RPL24: variants seen among roughly 807,000 people sequenced by gnomAD.
RPL24 encodes the protein large ribosomal subunit protein eL24.
RPL24 carries 7 observed loss-of-function variants against 26.4 expected under a neutral mutation model. The observed-to-expected ratio is 0.27, with a 90% confidence interval of 0.15 to 0.50. The LOEUF is 0.50. Among genes scored for constraint, RPL24 ranks in the 20% least tolerant of loss-of-function variants. The pLI, the probability that RPL24 is intolerant of heterozygous loss-of-function variation, is 0.98. For synonymous variants in RPL24, 67 were observed against 65.2 expected (o/e 1.03, Z -0.13); for missense variants, 109 against 194.9 (o/e 0.56, Z 2.62).
chr3:101,684,764 G>T (rs1166645537), intron 3 of RPL24, among the ~76,000 whole-genome samples: 3 of 77,698 alleles, frequency 3.9e-5, no homozygotes, highest in East Asian at 4.7e-4. Context: ...AGCAACAGAG[G>T]ACCTGTCTCC....
intron 3 of RPL24, 104 bp from the exon 4 acceptor site, chr3:101,683,011 T>C: frequency 2.0e-6 from 2 of 993,248 alleles, no homozygotes; most frequent in South Asian, 1.9e-5. Flanking sequence ...TATTTTAAGA[T>C]TCATATTCAA....
chr3:101,685,672 A>G (rs1270981545), intron 3 of RPL24, 146 bp downstream of exon 3: 6 of 501,790 alleles, frequency 1.2e-5, no homozygotes, highest in Non-Finnish European at 1.8e-5. Flanking sequence ...ACAGTTTATA[A>G]TATCTTTTTC....
chr3:101,683,091 C>T (rs1937282699), intron 3 of RPL24, among the ~76,000 whole-genome samples, 184 bp from the exon 4 acceptor site: 2 of 152,026 alleles, frequency 1.3e-5, no homozygotes, highest in African/African-American at 4.8e-5. Context: ...ATTACAAATC[C>T]TAGCCATTTT....
chr3:101,686,486 C>T lies in RPL24; in HGVS notation c.77G>A (p.Gly26Glu), dbSNP rs1937344547. 1 of 1,613,672 alleles carries T rather than the reference C, an allele frequency of 6.2e-7. No individual in the cohort carries two copies. The highest frequency in any genetic ancestry group is 1.3e-5 in the African/African-American group (1 of 74,940). The change falls in exon 2 of 6, where the codon GGG becomes GAG. Residue 26 changes from glycine to glutamate, a missense_variant. Gly to Glu is a moderately conservative substitution (Grantham distance 98). This residue lies in a region of RPL24 where 69 missense variants were observed against 96.2 expected (regional missense o/e 0.72). Coordinates refer to ENST00000394077, the MANE Select transcript of RPL24 (RefSeq NM_000986.4). ...GAAGCCGACGCGGCTTTTTACCTTC[C>T]CGTCGGTCCTGGCGTAGCGCCTCCC... The part of the protein sequence containing the change: ...GHGRRYARTD[G>E]KVFQFLNAKC...
rs57278210 is a variant in RPL24 at position 101,684,776 on chromosome 3, C to CAAAAAA, written c.192+1036_192+1041dup. On this transcript the variant is annotated intron_variant, in intron 3 of 5. Coordinates refer to ENST00000394077, the MANE Select transcript of RPL24 (RefSeq NM_000986.4). ...CTGAGCAACAGAGGACCTGTCTCCC[C>CAAAAAA]AAAAAAAAAAAAAAAAAAAAAAAAA... 4.3e-3 allele frequency among the ~76,000 whole-genome samples: 227 copies of CAAAAAA among 53,206 alleles called. 32 individuals are homozygous for CAAAAAA. Among genetic ancestry groups the CAAAAAA allele is most frequent in the Non-Finnish European group, 5.6e-3 (175 of 31,342 alleles). The allele number at this position is 53,206 out of a possible 152,430, so 34.9% of individuals were successfully genotyped here. A position where few individuals can be genotyped will look rare whatever the true frequency, so the allele number is the denominator to read the frequency against.
At position 101,682,552 on chromosome 3, in the gene RPL24, A is replaced by G. The variant is rs1193490565; in HGVS notation, c.330-60T>C. 8 of 1,392,622 alleles carry G rather than the reference A, an allele frequency of 5.7e-6. No individual in the cohort carries two copies. In the African/African-American group the frequency reaches 8.6e-5, roughly 15 times the overall value. 86.3% of individuals were successfully genotyped at this position (1,392,622 alleles called of 1,614,324 possible). On this transcript the variant is annotated intron_variant, in intron 4 of 5. Transcript: ENST00000394077. Reference sequence around the variant, plus strand: ...TTACTCCTTAGTGGTACAACTTATTATTAGAGTTAGACTGTACTGGACAAG... The same window carrying G: ...TTACTCCTTAGTGGTACAACTTATTGTTAGAGTTAGACTGTACTGGACAAG...
chr3:101,682,646 TA>T lies in RPL24; in HGVS notation c.329+124del, dbSNP rs1937278188. ...AGGCTAAATCCAAAGAATTTGTCAATAATTTTCATTAACCACCAAATCAGCT... is the reference window on the plus strand; with the variant it reads ...AGGCTAAATCCAAAGAATTTGTCAATATTTTCATTAACCACCAAATCAGCT... On this transcript the variant is annotated intron_variant, in intron 4 of 5. Coordinates refer to ENST00000394077, the MANE Select transcript of RPL24 (RefSeq NM_000986.4). 3 of 1,222,550 alleles carry T rather than the reference TA, an allele frequency of 2.5e-6. No homozygotes were observed. In the South Asian group the frequency reaches 4.1e-5, roughly 17 times the overall value. The allele number at this position is 1,222,550 out of a possible 1,614,324, so 75.7% of individuals were successfully genotyped here. A position where few individuals can be genotyped will look rare whatever the true frequency, so the allele number is the denominator to read the frequency against.
At position 101,682,880 on chromosome 3, in the gene RPL24, G is replaced by T. The variant is rs1402823709; in HGVS notation, c.220C>A (p.Arg74=). ...ATGGCCCTCTGGAATTTGACTGCTC[G>T]GCGGGTTCTTTTCTTTTGAATTTCT... ...SEEIQKKRTR[R]AVKFQRAITG... is the part of the protein sequence containing the mutation. Residue 74 remains arginine, a synonymous_variant, in exon 4 of 6, where the codon CGA becomes AGA. Transcript: ENST00000394077. 6.2e-7 allele frequency: 1 copy of T among 1,613,466 alleles called. No homozygotes were observed. Among genetic ancestry groups the T allele is most frequent in the African/African-American group, 1.3e-5 (1 of 74,882 alleles).
chr3:101,682,845 T>G lies in RPL24; in HGVS notation c.255A>C (p.Ala85=). The G allele has an allele frequency of 6.2e-7, 1 of 1,613,826 alleles. No homozygotes were observed. The highest frequency in any genetic ancestry group is 8.5e-7 in the Non-Finnish European group (1 of 1,179,814). ...TCTTGGCCATTATATCAGCAAGAGA[T>G]GCACCAGTAATGGCCCTCTGGAATT... ...AVKFQRAITG[A]SLADIMAKRN... is the part of the protein sequence containing the mutation. Residue 85 remains alanine (A), a synonymous_variant, in exon 4 of 6, where the codon GCA becomes GCC. Transcript: ENST00000394077.
At chr3:101,682,309 T>C in intron 5 of RPL24, 120 bp downstream of exon 5, 1 of 791,702 alleles carries the variant, frequency 1.3e-6, no homozygotes, top group Non-Finnish European at 2.2e-6. Flanking sequence ...GAGGTTGCAG[T>C]GAGCTGAGAT....
At chr3:101,682,562 G>C in intron 4 of RPL24, 70 bp from the exon 5 acceptor site, 1 of 1,281,568 alleles carries the variant, frequency 7.8e-7, no homozygotes, top group South Asian at 1.3e-5. Context: ...ATTAGAGTTA[G>C]ACTGTACTGG....
intron 4 of RPL24, 90 bp from the exon 5 acceptor site, chr3:101,682,582 A>T: frequency 8.5e-7 from 1 of 1,178,294 alleles, no homozygotes; most frequent in East Asian, 2.3e-5. Context: ...GACAAGTACA[A>T]TGACCATATT....
At position 101,682,776 on chromosome 3, in the gene RPL24, A is replaced by C; in HGVS notation, c.324T>G (p.Ala108=). ...ATAATGAAAGCATTCCTCACCTGAT[A>C]GCTTGTTCTCGTTGAGCCTTTCTAA... is the stretch of plus-strand genomic sequence containing the variant. ...PEVRKAQREQ[A]IRAAKEAKKA... is the part of the protein sequence containing the mutation. Residue 108 remains alanine (A), a synonymous_variant, in exon 4 of 6, where the codon GCT becomes GCG. Transcript: ENST00000394077. The C allele has an allele frequency of 6.2e-7, 1 of 1,612,760 alleles. No homozygotes were observed.
chr3:101,684,455 C>G (rs1357752983), intron 3 of RPL24, among the ~76,000 whole-genome samples: 1 of 152,130 alleles, frequency 6.6e-6, no homozygotes, highest in Non-Finnish European at 1.5e-5. Flanking sequence ...GGCATGTAAG[C>G]CACCATGCCC....
chr3:101,684,828 A>T (rs1386091554), intron 3 of RPL24, among the ~76,000 whole-genome samples: 4 of 136,886 alleles, frequency 2.9e-5, no homozygotes, highest in East Asian at 2.4e-4. Flanking sequence ...TAGTGGCCTT[A>T]TGTACATTCA....
intron 3 of RPL24, among the ~76,000 whole-genome samples, chr3:101,683,332 G>GCCT (rs777690168): frequency 1.3e-5 from 2 of 152,182 alleles, no homozygotes; most frequent in Non-Finnish European, 2.9e-5. Context: ...GTCTGAGAAG[G>GCCT]TATTGTGGAA....
chr3:101,682,950 A>C (rs747665276), intron 3 of RPL24, 43 bp from the exon 4 acceptor site: 8 of 1,575,692 alleles, frequency 5.1e-6, no homozygotes, highest in Non-Finnish European at 6.9e-6. Context: ...ACCTTCCTTC[A>C]AGAATTTAGA....
chr3:101,685,646 C>T (rs1937327649), intron 3 of RPL24, among the ~76,000 whole-genome samples, 172 bp downstream of exon 3: 2 of 152,180 alleles, frequency 1.3e-5, no homozygotes, highest in South Asian at 4.1e-4. Flanking sequence ...TTGCTACTAG[C>T]CTAAAATATA....
chr3:101,686,635 G>C, intron 1 of RPL24, 37 bp downstream of exon 1: 1 of 1,614,196 alleles, frequency 6.2e-7, no homozygotes, highest in Non-Finnish European at 8.5e-7. Flanking sequence ...TTCTGCCCGA[G>C]GATGTAAGCG....
Sources: allele counts gnomAD v4.1 joint callset (sites outside exome capture counted in the v4.1 genomes callset), GRCh38; gene constraint gnomAD v4.1.1; regional missense constraint gnomAD v4.1.1; transcripts MANE v1.5; gene names NCBI Gene and HGNC (gene_info 2026-07-23, HGNC 2026-07-21).